Variants in PPP1R12B observed in about 807,000 individuals in gnomAD.
PPP1R12B encodes the protein myosin phosphatase target subunit 2.
A neutral mutation model predicts 126.1 loss-of-function variants in PPP1R12B; 76 were observed. The observed-to-expected ratio is 0.60, with a 90% confidence interval of 0.50 to 0.73. PPP1R12B has a LOEUF of 0.73. PPP1R12B is among the 30% of genes least tolerant of loss of function. The probability of loss-of-function intolerance (pLI) is 0.00; values close to 1 mark genes in which losing one functional copy is unlikely to be tolerated. For synonymous variants in PPP1R12B, 356 were observed against 434.7 expected (o/e 0.82, Z 2.25); for missense variants, 1,052 against 1,205.1 (o/e 0.87, Z 1.88).
intron 10 of PPP1R12B, chr1:202,439,237 C>A: frequency 7.2e-7 from 1 of 1,389,346 alleles, no homozygotes. Flanking sequence ...GAGCACCATC[C>A]AGACAATATC....
chr1:202,499,494 GTCC>G (rs1158595142), intron 18 of PPP1R12B, among the ~76,000 whole-genome samples: 1 of 152,116 alleles, frequency 6.6e-6, no homozygotes, highest in Non-Finnish European at 1.5e-5. Context: ...GGCTCAAACA[GTCC>G]TCCTGCCTTG....
chr1:202,438,341 G>C (rs1163407688), intron 10 of PPP1R12B: 1 of 1,146,572 alleles, frequency 8.7e-7, no homozygotes, highest in Non-Finnish European at 1.2e-6. Context: ...GGGGGGCACA[G>C]GACCCCAGGT....
intron 1 of PPP1R12B, among the ~76,000 whole-genome samples, chr1:202,382,837 C>T (rs1662558329): frequency 6.6e-6 from 1 of 150,884 alleles, no homozygotes; most frequent in Non-Finnish European, 1.5e-5. Context: ...GACTGTGGCA[C>T]TGCCCTCCAG....
intron 18 of PPP1R12B, among the ~76,000 whole-genome samples, chr1:202,557,156 T>C (rs1366172259): frequency 2.0e-5 from 3 of 152,110 alleles, no homozygotes; most frequent in African/African-American, 7.2e-5. Context: ...CCCAGCTAAC[T>C]TCTTAAAAAT....
At chr1:202,575,291 C>T in intron 23 of PPP1R12B, 1 of 1,150,900 alleles carries the variant, frequency 8.7e-7, no homozygotes, top group Non-Finnish European at 1.2e-6. Flanking sequence ...TGGAAGCAGC[C>T]AGGACTGAGA....
chr1:202,437,539 A>G (rs914762881), intron 9 of PPP1R12B, among the ~76,000 whole-genome samples: 1 of 152,162 alleles, frequency 6.6e-6, no homozygotes, highest in Non-Finnish European at 1.5e-5. Context: ...GTCATTATTA[A>G]TTGCACAGAG....
rs561980143 is a variant in PPP1R12B, at chr1:202,431,304, G to A, written c.1002-176G>A. ...AGATTTCCTTGAGCCATACTCTGTC[G>A]TCAAATACTAAATCTTAGTCTGCAA... On this transcript the variant is annotated intron_variant, in intron 7 of 23. Coordinates refer to ENST00000608999, the MANE Select transcript of PPP1R12B (RefSeq NM_002481.4). Among the ~76,000 whole-genome samples the A allele has an allele frequency of 1.4e-4, 21 of 152,206 alleles. No individual in the cohort carries two copies. The East Asian group carries it at 2.5e-3, about 18-fold the overall frequency.
At chr1:202,438,110 TC>T (rs1323276338) in intron 10 of PPP1R12B, 86 bp downstream of exon 10, 1 of 1,594,252 alleles carries the variant, frequency 6.3e-7, no homozygotes, top group Admixed American at 1.8e-5. Context: ...GAAAATATTT[TC>T]TAGTCCTTAA....
chr1:202,483,716 T>A (rs1677709322), intron 13 of PPP1R12B, among the ~76,000 whole-genome samples: 1 of 152,232 alleles, frequency 6.6e-6, no homozygotes, highest in Admixed American at 6.5e-5. Context: ...TTCACTACAT[T>A]TAACACCTAC....
intron 1 of PPP1R12B, among the ~76,000 whole-genome samples, chr1:202,366,259 C>CTGTAA (rs1221792340): frequency 6.6e-6 from 1 of 152,094 alleles, no homozygotes; most frequent in Non-Finnish European, 1.5e-5. Context: ...TGGCTCATGC[C>CTGTAA]TGTAATCCCA....
chr1:202,459,923 T>A (rs1381989116), intron 13 of PPP1R12B, among the ~76,000 whole-genome samples: 1 of 152,168 alleles, frequency 6.6e-6, no homozygotes, highest in African/African-American at 2.4e-5. Context: ...AGGGACTGAT[T>A]TGACAGGACA....
At chr1:202,479,421 C>A (rs944805457) in intron 13 of PPP1R12B, among the ~76,000 whole-genome samples, 6 of 152,116 alleles carry the variant, frequency 3.9e-5, no homozygotes, top group Non-Finnish European at 8.8e-5. Context: ...AGAAGGAAAC[C>A]TTAAAAGGGT....
chr1:202,434,368 AC>A (rs1670543472), intron 8 of PPP1R12B, among the ~76,000 whole-genome samples: 2 of 152,336 alleles, frequency 1.3e-5, no homozygotes, highest in Admixed American at 1.3e-4. Context: ...TCCCCAAAGG[AC>A]AGATTATAGA....
At position 202,456,797 on chromosome 1, in the gene PPP1R12B, CTG is replaced by C. The variant is rs1013574688; in HGVS notation, c.1850+7627_1850+7628del. Among the ~76,000 whole-genome samples, 5 of 152,290 alleles carry C rather than the reference CTG, an allele frequency of 3.3e-5. 1 individual carries two copies. Among genetic ancestry groups the C allele is most frequent in the African/African-American group, 1.2e-4 (5 of 41,560 alleles). ...AAACTGTGTCTGTACTCTTGAAACT[CTG>C]GGGCCCTGGCACAAGTAAATTCAAA... On this transcript the variant is annotated intron_variant, in intron 13 of 23. Coordinates refer to ENST00000608999, the MANE Select transcript of PPP1R12B (RefSeq NM_002481.4).
chr1:202,512,244 T>C (rs1032588084), intron 18 of PPP1R12B, among the ~76,000 whole-genome samples: 2 of 152,242 alleles, frequency 1.3e-5, no homozygotes, highest in Admixed American at 6.5e-5. Flanking sequence ...ATCTGACTTA[T>C]TGTGATACAT....
At chr1:202,561,173 G>T (rs1687483289) in intron 19 of PPP1R12B, among the ~76,000 whole-genome samples, 2 of 151,922 alleles carry the variant, frequency 1.3e-5, no homozygotes, top group Non-Finnish European at 2.9e-5. Context: ...TGTTCATAAT[G>T]ATTTTAAAAT....
chr1:202,417,932 C>T (rs1471144617), intron 2 of PPP1R12B, among the ~76,000 whole-genome samples: 3 of 152,166 alleles, frequency 2.0e-5, no homozygotes, highest in Non-Finnish European at 1.5e-5. Context: ...CAGGGATGCT[C>T]AGTGGGAGAA....
At chr1:202,467,477 TG>T (rs1675189733) in intron 13 of PPP1R12B, among the ~76,000 whole-genome samples, 1 of 152,092 alleles carries the variant, frequency 6.6e-6, no homozygotes, top group African/African-American at 2.4e-5. Flanking sequence ...ATGCGGTGTT[TG>T]GTTTTTTGTC....
At chr1:202,354,565 G>A (rs1656674136) in intron 1 of PPP1R12B, among the ~76,000 whole-genome samples, 1 of 151,858 alleles carries the variant, frequency 6.6e-6, no homozygotes, top group South Asian at 2.1e-4. Flanking sequence ...GACACCCTGT[G>A]TCTATAAACA....
Sources: allele counts gnomAD v4.1 joint callset (sites outside exome capture counted in the v4.1 genomes callset), GRCh38; gene constraint gnomAD v4.1.1; transcripts MANE v1.5; gene names NCBI Gene and HGNC (gene_info 2026-07-23, HGNC 2026-07-21).